Variants in ING4 observed in about 807,000 individuals in gnomAD.
The protein encoded by ING4 is inhibitor of growth family member 4.
In ING4, 28 loss-of-function variants were observed where a neutral mutation model predicts 33.1. The observed-to-expected ratio is 0.85, with a 90% CI of 0.63 to 1.16. The LOEUF (loss-of-function observed/expected upper bound fraction) is 1.16, where lower values mean the gene tolerates loss of function less well. Ranked by LOEUF, ING4 falls within the 50% of genes most tolerant of loss-of-function variation. ING4 has a pLI of 0.00. For missense variants in ING4, 247 were observed against 314.7 expected, an observed-to-expected ratio of 0.78 and a Z score of 1.63; for synonymous variants, 87 against 104.4, an observed-to-expected ratio of 0.83 and a Z score of 1.02.
chr12:6,655,597 G>T, intron 2 of ING4: 1 of 1,116,364 alleles, frequency 9.0e-7, no homozygotes, highest in Non-Finnish European at 1.1e-6. Context: ...ATGAACTCAA[G>T]AGTTACAACT....
intron 5 of ING4, 28 bp downstream of exon 5, chr12:6,652,634 C>T: frequency 6.3e-7 from 1 of 1,597,978 alleles, no homozygotes; most frequent in African/African-American, 1.3e-5. Flanking sequence ...AGGATGTCAT[C>T]CGGCAAAGGG....
At chr12:6,656,870 C>T in intron 1 of ING4, 72 bp from the exon 2 acceptor site, 3 of 943,928 alleles carry the variant, frequency 3.2e-6, no homozygotes, top group Non-Finnish European at 3.2e-6. Flanking sequence ...AAGTGCAGTT[C>T]AGGCCGGACA....
rs976808921 is a variant in ING4 at position 6,651,522 on chromosome 12, A to G, written c.646-137T>C. The stretch of plus-strand genomic sequence containing the variant: ...ATTCTTGGAAGTCCCAAGGCCAACC[A>G]GTTCCCACCATCTTCCTTCTATTCT... On this transcript the variant is annotated intron_variant, in intron 6 of 7. Coordinates refer to ENST00000341550, the MANE Select transcript of ING4 (RefSeq NM_016162.4). 32 of 686,632 alleles carry G rather than the reference A, an allele frequency of 4.7e-5. No individual in the cohort carries two copies. In the South Asian group the frequency reaches 5.5e-4, roughly 12 times the overall value. 42.5% of individuals were successfully genotyped at this position (686,632 alleles called of 1,614,324 possible). A position where few individuals can be genotyped will look rare whatever the true frequency, so the allele number is the denominator to read the frequency against.
chr12:6,654,867 G>A (rs1379078945), intron 2 of ING4, among the ~76,000 whole-genome samples: 1 of 151,978 alleles, frequency 6.6e-6, no homozygotes, highest in Non-Finnish European at 1.5e-5. Flanking sequence ...TGGGACTACA[G>A]GTGTGCGCCA....
chr12:6,660,533 G>A (rs962395257), intron 1 of ING4, among the ~76,000 whole-genome samples: 18 of 152,106 alleles, frequency 1.2e-4, no homozygotes, highest in African/African-American at 3.4e-4. Flanking sequence ...ACTTGAACCC[G>A]GGAGGCAGAG....
At chr12:6,652,459 G>A (rs762705934) in intron 5 of ING4, 41 bp from the exon 6 acceptor site, 1 of 1,605,368 alleles carries the variant, frequency 6.2e-7, no homozygotes, top group Non-Finnish European at 8.5e-7. Flanking sequence ...CTACAGGAAG[G>A]GAAGCTAAAG....
chr12:6,657,901 G>C (rs2136277570), intron 1 of ING4: 1 of 148,744 alleles, frequency 6.7e-6, no homozygotes, highest in East Asian at 2.0e-4. Flanking sequence ...CTGCACTCCA[G>C]CCTGGTGACA....
At chr12:6,662,337 T>A (rs55641348) in intron 1 of ING4, among the ~76,000 whole-genome samples, 3 of 152,272 alleles carry the variant, frequency 2.0e-5, no homozygotes, top group Middle Eastern at 6.8e-3. Flanking sequence ...CAGTGTTTTA[T>A]AATTATTTGC....
rs1949143675 is a variant in ING4, at chr12:6,650,362, C to G, written c.*833G>C. 6.6e-6 allele frequency: 1 copy of G among 152,298 alleles called. No homozygotes were observed. The highest frequency in any genetic ancestry group is 1.9e-4 in the East Asian group (1 of 5,184). The allele number at this position is 152,298 out of a possible 1,614,324, so 9.4% of individuals were successfully genotyped here. On this transcript the variant is annotated 3_prime_UTR_variant, in exon 8 of 8. Coordinates refer to ENST00000341550, the MANE Select transcript of ING4 (RefSeq NM_016162.4). Reference sequence around the variant, plus strand: ...AAAGATGTTTTATGGAGAAAAGATGCATGATTTACAAAGTTTTGGAGACCC... The same window carrying G: ...AAAGATGTTTTATGGAGAAAAGATGGATGATTTACAAAGTTTTGGAGACCC...
At chr12:6,656,067 G>A (rs1949342126) in intron 2 of ING4, among the ~76,000 whole-genome samples, 1 of 151,964 alleles carries the variant, frequency 6.6e-6, no homozygotes, top group African/African-American at 2.4e-5. Flanking sequence ...GGGAATTTGT[G>A]ACAGTAACAT....
At chr12:6,660,249 C>T (rs940688752) in intron 1 of ING4, among the ~76,000 whole-genome samples, 1 of 151,930 alleles carries the variant, frequency 6.6e-6, no homozygotes, top group African/African-American at 2.4e-5. Flanking sequence ...CGCTTGATCT[C>T]AGGAGTCTGA....
rs1475321377 is a variant in ING4, at chr12:6,653,012, G to A, written c.315C>T (p.Ala105=). Residue 105 remains alanine (A), a synonymous_variant, in exon 4 of 8, where the codon GCC becomes GCT. Coordinates refer to ENST00000341550, the MANE Select transcript of ING4 (RefSeq NM_016162.4). The stretch of plus-strand genomic sequence containing the variant: ...TCTCCTTGAGATCAGCCTCAAAACG[G>A]GCCAGGTCTGTGTCCAGCCGCCGAA... The part of the protein sequence containing the change: ...KHIRRLDTDL[A]RFEADLKEKQ... 1 of 1,613,980 alleles carries A rather than the reference G, an allele frequency of 6.2e-7. No individual in the cohort carries two copies.
rs1248742302 is a variant in ING4, at chr12:6,651,159, T to G, written c.*36A>C. ...CTGCCCACTAGCCCAAGTCAGGGGA[T>G]GTGGAAGAAACTGTGTTGGAATCCA... On this transcript the variant is annotated 3_prime_UTR_variant, in exon 8 of 8. Coordinates refer to ENST00000341550, the MANE Select transcript of ING4 (RefSeq NM_016162.4). 6.2e-7 allele frequency: 1 copy of G among 1,611,738 alleles called. No homozygotes were observed. Among genetic ancestry groups the G allele is most frequent in the Non-Finnish European group, 8.5e-7 (1 of 1,177,856 alleles).
intron 2 of ING4, 100 bp downstream of exon 2, chr12:6,656,627 C>G (rs1949361452): frequency 1.4e-6 from 1 of 721,050 alleles, no homozygotes; most frequent in East Asian, 2.9e-5. Context: ...AGAGAAGCCA[C>G]AGTTCTCCAG....
chr12:6,661,007 G>A (rs958326477), intron 1 of ING4, among the ~76,000 whole-genome samples: 3 of 152,070 alleles, frequency 2.0e-5, no homozygotes, highest in African/African-American at 7.2e-5. Context: ...TAGCCAGGCT[G>A]GTCTTGGAAC....
chr12:6,653,135 C>A, intron 3 of ING4, 85 bp from the exon 4 acceptor site: 1 of 1,592,592 alleles, frequency 6.3e-7, no homozygotes, highest in South Asian at 1.1e-5. Context: ...ATGGATCTCA[C>A]AGACCCCAAA....
intron 1 of ING4, among the ~76,000 whole-genome samples, chr12:6,658,481 T>C (rs1241929433): frequency 6.7e-6 from 1 of 148,434 alleles, no homozygotes. Flanking sequence ...AGCTGAGGAG[T>C]TCAAGACCAG....
chr12:6,660,342 C>T (rs1228542608), intron 1 of ING4, among the ~76,000 whole-genome samples: 2 of 152,124 alleles, frequency 1.3e-5, no homozygotes, highest in Non-Finnish European at 2.9e-5. Flanking sequence ...GGTACGGTGG[C>T]TCATGCCTGT....
In ING4 at chr12:6,650,463, C is replaced by T. The variant is rs1310279640; in HGVS notation, c.*732G>A. 6.6e-6 allele frequency: 1 copy of T among 152,612 alleles called. No homozygotes were observed. The highest frequency in any genetic ancestry group is 1.5e-5 in the Non-Finnish European group (1 of 68,044). 9.5% of individuals were successfully genotyped at this position (152,612 alleles called of 1,614,324 possible). A position where few individuals can be genotyped will look rare whatever the true frequency, so the allele number is the denominator to read the frequency against. On this transcript the variant is annotated 3_prime_UTR_variant, in exon 8 of 8. Coordinates refer to ENST00000341550, the MANE Select transcript of ING4 (RefSeq NM_016162.4). ...CTTACAAGTTCTCGGACAGAGGCAC[C>T]ACTCTGGTTTCATGTCGTGTCCTAA... is the stretch of plus-strand genomic sequence containing the variant.
Sources: allele counts gnomAD v4.1 joint callset (sites outside exome capture counted in the v4.1 genomes callset), GRCh38; gene constraint gnomAD v4.1.1; transcripts MANE v1.5; gene names NCBI Gene and HGNC (gene_info 2026-07-23, HGNC 2026-07-21).